The following BCKDHB variants were observed in gnomAD, a reference collection of about 807,000 sequenced individuals.
BCKDHB encodes 2-oxoisovalerate dehydrogenase subunit beta, mitochondrial.
Under a neutral mutation model 48.5 loss-of-function variants are expected in BCKDHB, and 41 were observed. The observed-to-expected ratio is 0.85, with a 90% CI of 0.66 to 1.10. The LOEUF is 1.10. Ranked by LOEUF, BCKDHB falls within the 50% of genes least tolerant of loss-of-function variation. The pLI is 0.00. For missense variants in BCKDHB, 496 were observed against 494.2 expected (o/e 1.00, Z -0.03); for synonymous variants, 201 against 174.8 (o/e 1.15, Z -1.18).
the BCKDHB span, among the ~76,000 whole-genome samples, chr6:80,422,571 C>G: frequency 6.6e-6 from 1 of 152,212 alleles, no homozygotes; most frequent in Non-Finnish European, 1.5e-5. Context: ...ATGAAAGCAT[C>G]TGTGGGGTCT....
intron 3 of BCKDHB, among the ~76,000 whole-genome samples, chr6:80,160,225 T>C (rs2505942): frequency 0.66 from 100,828 of 151,772 alleles, 34,447 homozygotes; most frequent in African/African-American, 0.82. Context: ...GGTGTGATCT[T>C]GGCTCACTGC....
chr6:80,165,789 T>C (rs1017191785), intron 3 of BCKDHB, among the ~76,000 whole-genome samples: 1 of 152,210 alleles, frequency 6.6e-6, no homozygotes, highest in Middle Eastern at 3.2e-3. Context: ...TGCCTCCTTG[T>C]TGGTGGGCAC....
chr6:80,334,648 A>T (rs1010615923), intron 9 of BCKDHB, among the ~76,000 whole-genome samples: 3 of 151,996 alleles, frequency 2.0e-5, no homozygotes, highest in Non-Finnish European at 4.4e-5. Context: ...AAAAAAAAAA[A>T]AAAGTTTAAT....
At chr6:80,182,027 T>G (rs1312871606) in intron 6 of BCKDHB, among the ~76,000 whole-genome samples, 1 of 152,262 alleles carries the variant, frequency 6.6e-6, no homozygotes, top group East Asian at 1.9e-4. Flanking sequence ...TTAATTTATT[T>G]CAGTTTCCAT....
At chr6:80,141,170 T>C (rs1771188245) in intron 3 of BCKDHB, among the ~76,000 whole-genome samples, 1 of 152,186 alleles carries the variant, frequency 6.6e-6, no homozygotes, top group Non-Finnish European at 1.5e-5. Context: ...TCATTTTTAA[T>C]GCGTCTATTC....
chr6:80,138,297 T>A (rs895227780), intron 3 of BCKDHB, among the ~76,000 whole-genome samples: 3 of 152,098 alleles, frequency 2.0e-5, no homozygotes, highest in East Asian at 1.9e-4. Flanking sequence ...ATTCTTTTTT[T>A]TTATTATTAT....
At chr6:80,368,190 C>A in the BCKDHB span, among the ~76,000 whole-genome samples, 1 of 152,262 alleles carries the variant, frequency 6.6e-6, no homozygotes, top group East Asian at 1.9e-4. Flanking sequence ...TCTGAATATC[C>A]AACTGCCTGC....
chr6:80,148,548 T>C (rs914959050), intron 3 of BCKDHB, among the ~76,000 whole-genome samples: 2 of 152,144 alleles, frequency 1.3e-5, no homozygotes, highest in Non-Finnish European at 2.9e-5. Context: ...ACTTTTGATC[T>C]GAATGATTAT....
intron 6 of BCKDHB, among the ~76,000 whole-genome samples, chr6:80,179,567 A>G (rs957470576): frequency 3.9e-5 from 6 of 152,124 alleles, no homozygotes; most frequent in African/African-American, 9.7e-5. Context: ...CTGAGCAGCT[A>G]TGGATTTTTG....
chr6:80,183,973 T>A (rs1046485298), intron 6 of BCKDHB, among the ~76,000 whole-genome samples: 1 of 152,148 alleles, frequency 6.6e-6, no homozygotes, highest in Admixed American at 6.5e-5. Context: ...TAACACAGTT[T>A]ATTTATTCAT....
intron 1 of BCKDHB, among the ~76,000 whole-genome samples, chr6:80,116,485 A>G (rs1013013378): frequency 2.6e-5 from 4 of 152,250 alleles, no homozygotes; most frequent in Admixed American, 2.0e-4. Flanking sequence ...CTCTGATCAA[A>G]AGCATTTAAG....
intron 8 of BCKDHB, among the ~76,000 whole-genome samples, chr6:80,270,129 T>C (rs1041705375): frequency 6.6e-6 from 1 of 152,164 alleles, no homozygotes; most frequent in Non-Finnish European, 1.5e-5. Context: ...TTTTATCAAG[T>C]TAAAATTGTG....
chr6:80,443,709 C>T, the BCKDHB span, among the ~76,000 whole-genome samples: 12 of 152,086 alleles, frequency 7.9e-5, no homozygotes, highest in African/African-American at 2.7e-4. Flanking sequence ...GGGGTCTCAT[C>T]ATGTTGCCCA....
At chr6:80,209,848 A>G (rs1774837629) in intron 8 of BCKDHB, among the ~76,000 whole-genome samples, 1 of 152,038 alleles carries the variant, frequency 6.6e-6, no homozygotes. Flanking sequence ...CCAATAAGAG[A>G]GTAAACAGGT....
chr6:80,370,270 ACTGT>A, the BCKDHB span, among the ~76,000 whole-genome samples: 1 of 152,194 alleles, frequency 6.6e-6, no homozygotes, highest in Non-Finnish European at 1.5e-5. Context: ...TGATGCTTAA[ACTGT>A]CTTTCTCTTC....
intron 3 of BCKDHB, among the ~76,000 whole-genome samples, chr6:80,139,700 A>G (rs566850238): frequency 1.6e-4 from 25 of 152,184 alleles, no homozygotes; most frequent in African/African-American, 4.8e-4. Context: ...TGTTTTGGTT[A>G]CTGTAGCCTT....
chr6:80,417,747 T>G, the BCKDHB span, among the ~76,000 whole-genome samples: 3 of 151,216 alleles, frequency 2.0e-5, no homozygotes, highest in Admixed American at 2.0e-4. Flanking sequence ...CTGACATTTC[T>G]CTCTAGTTGC....
chr6:80,331,150 C>T (rs10455370), intron 9 of BCKDHB, among the ~76,000 whole-genome samples: 62,476 of 151,998 alleles, frequency 0.41, 15,404 homozygotes, highest in Admixed American at 0.59. Context: ...CTAACAGCCT[C>T]TGGAGGGAAT....
chr6:80,290,440 G>A (rs1766852578), intron 9 of BCKDHB, among the ~76,000 whole-genome samples: 1 of 152,220 alleles, frequency 6.6e-6, no homozygotes, highest in Admixed American at 6.5e-5. Flanking sequence ...CCTGGTGAGG[G>A]GGCCATGTCT....
Sources: gnomAD v4.1 joint callset for allele counts (sites outside exome capture counted in the v4.1 genomes callset) on GRCh38, gnomAD v4.1.1 for gene constraint, MANE v1.5 for transcripts, NCBI Gene and HGNC (gene_info 2026-07-23, HGNC 2026-07-21) for gene names.